WDTC1: variants seen among roughly 807,000 people sequenced by gnomAD.
WDTC1 encodes WD and tetratricopeptide repeats protein 1.
In WDTC1, 12 loss-of-function variants were observed where a neutral mutation model predicts 76.0. The observed-to-expected ratio is 0.16, with a 90% CI of 0.10 to 0.26. WDTC1 has a LOEUF of 0.26. WDTC1 is among the 10% of genes least tolerant of loss of function. The pLI is 1.00. For missense variants in WDTC1, 511 were observed against 908.8 expected (o/e 0.56, Z 5.63); for synonymous variants, 326 against 350.8 (o/e 0.93, Z 0.79).
Position 27,306,504 on chromosome 1 carries a change from T to C in WDTC1, c.*121T>C, listed in dbSNP as rs2013960077. 7.8e-7 allele frequency: 1 copy of C among 1,289,780 alleles called. No homozygotes were observed. Among genetic ancestry groups the C allele is most frequent in the Non-Finnish European group, 1.0e-6 (1 of 961,850 alleles). The allele number at this position is 1,289,780 out of a possible 1,614,324, so 79.9% of individuals were successfully genotyped here. A position where few individuals can be genotyped will look rare whatever the true frequency, so the allele number is the denominator to read the frequency against. On this transcript the variant is annotated 3_prime_UTR_variant, in exon 16 of 16. Transcript: ENST00000319394. The surrounding 1 kb of genome is among the most constrained non-coding windows in gnomAD (Gnocchi z 5.0). ...ACCCTTTTTTTTCATTTCCCCTGTT[T>C]TGTTTGTTAGTTTGGCGTTAGGGGT...
In WDTC1 at chr1:27,301,404, G is replaced by A. The variant is rs1002028831; in HGVS notation, c.1411G>A (p.Ala471Thr). ...ATTTCCGGAGCAGGCCCACAGCAGC[G>A]CTTGTGATGCATTGGGCCGCGACAT... ...GKFPEQAHSSACDALGRDITA... is the reference protein window; with the variant it reads ...GKFPEQAHSSTCDALGRDITA... The change falls in exon 13 of 16, where the codon GCT becomes ACT. Residue 471 changes from alanine (A) to threonine (T), a missense_variant. Physicochemically the swap from Ala to Thr is moderately conservative, Grantham distance 58. Transcript: ENST00000319394. The surrounding 1 kb of genome is among the most constrained non-coding windows in gnomAD (Gnocchi z 5.8). 2.5e-6 allele frequency: 4 copies of A among 1,613,982 alleles called. No individual in the cohort carries two copies. The highest frequency in any genetic ancestry group is 2.7e-5 in the African/African-American group (2 of 74,922).
chr1:27,248,896 A>T (rs911821483), intron 1 of WDTC1, among the ~76,000 whole-genome samples: 2 of 152,104 alleles, frequency 1.3e-5, no homozygotes, highest in Non-Finnish European at 1.5e-5. Flanking sequence ...GGCTCAAGCA[A>T]TCTTCCCACA....
At chr1:27,272,183 T>C (rs999248890) in intron 3 of WDTC1, among the ~76,000 whole-genome samples, 21 of 151,532 alleles carry the variant, frequency 1.4e-4, no homozygotes, top group Non-Finnish European at 2.8e-4. Flanking sequence ...CAGGCAGAGG[T>C]TGTGGTGAGC....
At chr1:27,252,140 G>C (rs1017289283) in intron 1 of WDTC1, among the ~76,000 whole-genome samples, 40 of 152,150 alleles carry the variant, frequency 2.6e-4, no homozygotes, top group African/African-American at 8.7e-4. Context: ...GAGCCCAGGA[G>C]TTGGAGACCA....
At chr1:27,241,888 C>CTGTTTTTTTT (rs1406606845) in intron 1 of WDTC1, among the ~76,000 whole-genome samples, 11 of 150,328 alleles carry the variant, frequency 7.3e-5, no homozygotes, top group Non-Finnish European at 1.5e-4. Flanking sequence ...ATGTCTCACA[C>CTGTTTTTTTT]TGTTTTTTTT....
intron 14 of WDTC1, 89 bp from the exon 15 acceptor site, chr1:27,304,912 G>T: frequency 7.4e-7 from 1 of 1,349,990 alleles, no homozygotes; most frequent in Middle Eastern, 2.0e-4. Context: ...AGACTTCCTT[G>T]CTCCCCCTTT....
At chr1:27,253,517 T>TC (rs2012170346) in intron 1 of WDTC1, among the ~76,000 whole-genome samples, 1 of 145,924 alleles carries the variant, frequency 6.9e-6, no homozygotes, top group East Asian at 2.0e-4. Context: ...TTTCTTTCTT[T>TC]TTTTTTTTTT....
intron 13 of WDTC1, among the ~76,000 whole-genome samples, chr1:27,302,458 A>G (rs942431950): frequency 6.6e-6 from 1 of 152,152 alleles, no homozygotes; most frequent in Non-Finnish European, 1.5e-5. Context: ...TGTGTGGCCT[A>G]GCGCGGTGGC....
chr1:27,283,675 A>T (rs565105294), intron 5 of WDTC1, among the ~76,000 whole-genome samples: 12 of 152,138 alleles, frequency 7.9e-5, no homozygotes, highest in Admixed American at 2.0e-4. Flanking sequence ...ATTTATCTTT[A>T]TGTGAATGGT....
chr1:27,287,545 C>T, intron 5 of WDTC1, 129 bp from the exon 6 acceptor site: 2 of 1,086,250 alleles, frequency 1.8e-6, no homozygotes, highest in Admixed American at 2.5e-5. Flanking sequence ...AGCCACCGCG[C>T]CCAGCCTGCA....
Position 27,287,739 on chromosome 1 carries a change from C to T in WDTC1, c.357C>T (p.His119=), listed in dbSNP as rs546300879. The change falls in exon 6 of 16, where the codon CAC becomes CAT. Residue 119 remains histidine, a synonymous_variant. Transcript: ENST00000319394. The part of the protein sequence containing the change: ...TGAADSKVHV[H]DLTVKETIHM... ...CAGCCGACTCTAAGGTGCATGTGCA[C>T]GACCTGACAGTAAAGGAGACCATCC... is the stretch of plus-strand genomic sequence containing the variant. The T allele has an allele frequency of 7.4e-6, 12 of 1,614,088 alleles. No individual in the cohort carries two copies. The highest frequency in any genetic ancestry group is 3.3e-5 in the Admixed American group (2 of 60,006).
chr1:27,273,370 G>A (rs535308006), intron 3 of WDTC1, among the ~76,000 whole-genome samples: 22 of 151,828 alleles, frequency 1.4e-4, no homozygotes, highest in East Asian at 3.9e-4. Context: ...CACCACGCCC[G>A]GCTAATTTTT....
At chr1:27,259,061 G>T (rs1294944225) in intron 1 of WDTC1, among the ~76,000 whole-genome samples, 2 of 152,238 alleles carry the variant, frequency 1.3e-5, no homozygotes, top group Non-Finnish European at 2.9e-5. Flanking sequence ...TTACAAATTA[G>T]TGTGCTTTTA....
chr1:27,282,134 A>C (rs1372544604), intron 3 of WDTC1, 105 bp from the exon 4 acceptor site: 1 of 1,134,344 alleles, frequency 8.8e-7, no homozygotes, highest in African/African-American at 1.5e-5. Flanking sequence ...GAAAATATTG[A>C]AAATGGAAAG....
intron 1 of WDTC1, among the ~76,000 whole-genome samples, chr1:27,235,691 GCTCT>G (rs2011479815): frequency 6.6e-6 from 1 of 152,076 alleles, no homozygotes; most frequent in Non-Finnish European, 1.5e-5. Context: ...GGTGGCTTGG[GCTCT>G]CTCTCCTCTG....
In WDTC1 at chr1:27,296,397, G is replaced by C; in HGVS notation, c.945G>C (p.Ser315=). 1.9e-6 allele frequency: 3 copies of C among 1,613,956 alleles called. No homozygotes were observed. The highest frequency in any genetic ancestry group is 2.2e-5 in the East Asian group (1 of 44,862). ...TCTTGCCTAGAAAATGCCACTCCTC[G>C]GGGGGTAAGTTCTCCCTTAGGGTAT... is the stretch of plus-strand genomic sequence containing the variant. ...TFLLPRKCHS[S]GEVQNGKMST... is the part of the protein sequence containing the mutation. The change falls in exon 10 of 16, where the codon TCG becomes TCC. Residue 315 remains serine, a synonymous_variant. Transcript: ENST00000319394.
At chr1:27,246,268 T>TAAA (rs2011827557) in intron 1 of WDTC1, among the ~76,000 whole-genome samples, 1 of 152,238 alleles carries the variant, frequency 6.6e-6, no homozygotes, top group Non-Finnish European at 1.5e-5. Context: ...CATCTCTTTC[T>TAAA]GTCTCTGTAG....
At position 27,261,033 on chromosome 1, in the gene WDTC1, T is replaced by A; in HGVS notation, c.-22T>A. Reference sequence around the variant, plus strand: ...CCTGAAGATCCTATTATAGCTTCCTTCTGTTGAACCATTAAGAAAAGATGG... The same window carrying A: ...CCTGAAGATCCTATTATAGCTTCCTACTGTTGAACCATTAAGAAAAGATGG... On this transcript the variant is annotated 5_prime_UTR_variant, in exon 2 of 16. Transcript: ENST00000319394. 3.1e-6 allele frequency: 5 copies of A among 1,614,150 alleles called. No individual in the cohort carries two copies. The highest frequency in any genetic ancestry group is 4.2e-6 in the Non-Finnish European group (5 of 1,180,008).
intron 3 of WDTC1, among the ~76,000 whole-genome samples, chr1:27,273,406 C>T (rs1213976755): frequency 6.6e-6 from 1 of 151,868 alleles, no homozygotes. Context: ...GACGAGGTTT[C>T]ACCATGTTAG....
Sources: gnomAD v4.1 joint callset for allele counts (sites outside exome capture counted in the v4.1 genomes callset) on GRCh38, gnomAD v4.1.1 for gene constraint, Gnocchi (gnomAD v3.1) non-coding constraint, MANE v1.5 for transcripts, NCBI Gene and HGNC (gene_info 2026-07-23, HGNC 2026-07-21) for gene names.